The following RAD51C variants were observed in gnomAD, a reference collection of about 807,000 sequenced individuals.
The protein encoded by RAD51C is RAD51 paralog C, also known as DNA repair protein RAD51 homolog 3.
A neutral mutation model predicts 45.0 loss-of-function variants in RAD51C; 42 were observed. The ratio of observed to expected loss-of-function variants is 0.93; its 90% CI spans 0.73 to 1.21. The LOEUF (loss-of-function observed/expected upper bound fraction) is 1.21. Ranked by LOEUF, RAD51C falls within the 50% of genes most tolerant of loss-of-function variation. The probability of loss-of-function intolerance (pLI) is 0.00; values close to 1 mark genes in which losing one functional copy is unlikely to be tolerated. For synonymous variants in RAD51C, 172 were observed against 159.8 expected, an observed-to-expected ratio of 1.08 and a Z score of -0.58; for missense variants, 474 against 452.2, an observed-to-expected ratio of 1.05 and a Z score of -0.44.
intron 1 of RAD51C, chr17:58,693,352 G>C (rs1338366601): frequency 6.1e-6 from 1 of 162,738 alleles, no homozygotes; most frequent in Admixed American, 5.7e-5. Context: ...ATATTCCAGA[G>C]CATTGCAGAT....
At position 58,732,304 on chromosome 17, in the gene RAD51C, A is replaced by G. The variant is rs1050032819; in HGVS notation, c.966-180A>G. The G allele has an allele frequency of 8.3e-5, 47 of 563,636 alleles. No homozygotes were observed. In the Admixed American group the frequency reaches 1.1e-3, roughly 13 times the overall value. The allele number at this position is 563,636 out of a possible 1,614,324, so 34.9% of individuals were successfully genotyped here. On this transcript the variant is annotated intron_variant, in intron 7 of 8. Transcript: ENST00000337432. The stretch of plus-strand genomic sequence containing the variant: ...TAAAATTTCATATAAACTCTGTTAT[A>G]TACATACGGGTAATTTGAAGGGTGT...
At chr17:58,693,736 G>T (rs1389884414) in intron 1 of RAD51C, 3 of 151,918 alleles carry the variant, frequency 2.0e-5, no homozygotes, top group African/African-American at 7.3e-5. Context: ...TACATGTATC[G>T]TCTCATTCCC....
intron 3 of RAD51C, 93 bp from the exon 4 acceptor site, chr17:58,703,103 G>T: frequency 7.2e-7 from 1 of 1,393,154 alleles, no homozygotes. Context: ...GTTATCCAAA[G>T]GAGAACATTT....
intron 4 of RAD51C, among the ~76,000 whole-genome samples, chr17:58,705,128 C>T (rs996237623): frequency 6.6e-5 from 10 of 151,414 alleles, no homozygotes; most frequent in African/African-American, 2.2e-4. Flanking sequence ...GACTCTGTCT[C>T]AAAATTAATA....
chr17:58,712,954 C>G (rs550280589), intron 5 of RAD51C, among the ~76,000 whole-genome samples: 1 of 152,222 alleles, frequency 6.6e-6, no homozygotes, highest in Admixed American at 6.5e-5. Flanking sequence ...GAGACTTCAT[C>G]GCTACAAATT....
chr17:58,721,289 C>T (rs369651019), intron 6 of RAD51C, among the ~76,000 whole-genome samples: 4 of 151,724 alleles, frequency 2.6e-5, no homozygotes, highest in African/African-American at 9.7e-5. Flanking sequence ...CAAAAAATTG[C>T]GTATCTACTG....
At chr17:58,733,783 A>G (rs1377356675) in intron 8 of RAD51C, among the ~76,000 whole-genome samples, 1 of 152,188 alleles carries the variant, frequency 6.6e-6, no homozygotes, top group Non-Finnish European at 1.5e-5. Flanking sequence ...CAGTGGCACA[A>G]TCTTGTCTCA....
Position 58,709,092 on chromosome 17 carries a change from CTTTTTT to C in RAD51C, c.706-752_706-747del, listed in dbSNP as rs34570887. ...ATTATTCCTTTTTCTTTTTGAATTACTTTTTTTTTTTTTTTTTTTTGAGACAAAGTC... is the reference window on the plus strand; with the variant it reads ...ATTATTCCTTTTTCTTTTTGAATTACTTTTTTTTTTTTTTGAGACAAAGTC... On this transcript the variant is annotated intron_variant, in intron 4 of 8. Transcript: ENST00000337432. Among the ~76,000 whole-genome samples the C allele has an allele frequency of 1.8e-4, 21 of 117,010 alleles. No homozygotes were observed. In the East Asian group the frequency reaches 3.8e-3, roughly 21 times the overall value. The allele number at this position is 117,010 out of a possible 152,430, so 76.8% of individuals were successfully genotyped here. A position where few individuals can be genotyped will look rare whatever the true frequency, so the allele number is the denominator to read the frequency against.
Position 58,694,996 on chromosome 17 carries a change from A to G in RAD51C, c.211A>G (p.Asn71Asp). ...LQIIRRECLT[N>D]KPRYAGTSES... ...AATTATCAGAAGAGAATGTCTCACAAATAAACCAAGATATGCTGGTACATC... is the reference window on the plus strand; with the variant it reads ...AATTATCAGAAGAGAATGTCTCACAGATAAACCAAGATATGCTGGTACATC... The change falls in exon 2 of 9, where the codon AAT becomes GAT. Residue 71 changes from asparagine (N) to aspartate (D), a missense_variant. By Grantham distance (23) the Asn-to-Asp change is conservative. Coordinates refer to ENST00000337432, the MANE Select transcript of RAD51C (RefSeq NM_058216.3). The G allele has an allele frequency of 6.2e-7, 1 of 1,614,168 alleles. No homozygotes were observed. The highest frequency in any genetic ancestry group is 1.1e-5 in the South Asian group (1 of 91,082).
At chr17:58,710,580 T>C (rs1187535882) in intron 5 of RAD51C, among the ~76,000 whole-genome samples, 1 of 152,092 alleles carries the variant, frequency 6.6e-6, no homozygotes, top group African/African-American at 2.4e-5. Flanking sequence ...TTAAATATAC[T>C]TTGGATGTTT....
chr17:58,720,627 C>T, intron 5 of RAD51C, 119 bp from the exon 6 acceptor site: 2 of 730,588 alleles, frequency 2.7e-6, no homozygotes, highest in Non-Finnish European at 2.4e-6. Context: ...TGCATGCCAC[C>T]ATGTCTGGTT....
At chr17:58,696,522 T>G (rs547387444) in intron 2 of RAD51C, among the ~76,000 whole-genome samples, 171 bp from the exon 3 acceptor site, 1 of 152,364 alleles carries the variant, frequency 6.6e-6, no homozygotes, top group South Asian at 2.1e-4. Context: ...TATAGTCGAT[T>G]GGTTCACATT....
At chr17:58,709,166 C>T (rs1202323379) in intron 4 of RAD51C, among the ~76,000 whole-genome samples, 3 of 150,620 alleles carry the variant, frequency 2.0e-5, no homozygotes, top group Non-Finnish European at 4.4e-5. Flanking sequence ...GCAACCTCTG[C>T]CACCAGGGTT....
intron 5 of RAD51C, among the ~76,000 whole-genome samples, chr17:58,715,031 G>C (rs1039615739): frequency 2.0e-5 from 3 of 150,648 alleles, no homozygotes; most frequent in Non-Finnish European, 4.4e-5. Flanking sequence ...TCAGTGTCAC[G>C]TTTCAAATCT....
chr17:58,709,111 T>G (rs1323893733), intron 4 of RAD51C, among the ~76,000 whole-genome samples: 1 of 149,152 alleles, frequency 6.7e-6, no homozygotes, highest in Non-Finnish European at 1.5e-5. Context: ...TTTTTTTTTT[T>G]TGAGACAAAG....
chr17:58,692,591 CCA>C, upstream of RAD51C: 2 of 1,610,328 alleles, frequency 1.2e-6, no homozygotes, highest in Non-Finnish European at 8.5e-7. Flanking sequence ...GCCGCACGCC[CCA>C]GCGAGGGCGT....
At position 58,694,985 on chromosome 17, in the gene RAD51C, A is replaced by G. The variant is rs375451955; in HGVS notation, c.200A>G (p.Glu67Gly). Reference sequence around the variant, plus strand: ...GAAACTCTGCAAATTATCAGAAGAGAATGTCTCACAAATAAACCAAGATAT... The same window carrying G: ...GAAACTCTGCAAATTATCAGAAGAGGATGTCTCACAAATAAACCAAGATAT... ...ALETLQIIRR[E>G]CLTNKPRYAG... Residue 67 changes from glutamate (E) to glycine (G), a missense_variant, in exon 2 of 9, where the codon GAA (glutamate) becomes GGA (glycine). Coordinates refer to ENST00000337432, the MANE Select transcript of RAD51C (RefSeq NM_058216.3). The G allele has an allele frequency of 2.6e-5, 42 of 1,614,144 alleles. No homozygotes were observed. In the African/African-American group the frequency reaches 5.2e-4, roughly 20 times the overall value.
chr17:58,692,663 G>A lies in RAD51C; in HGVS notation c.20G>A (p.Arg7His), dbSNP rs892567748. MRGKTF[R>H]FEMQRDLVSF... The stretch of plus-strand genomic sequence containing the variant: ...CCTGCGATGCGCGGGAAGACGTTCC[G>A]CTTTGAAATGCAGCGGGATTTGGTG... The change falls in exon 1 of 9, where the codon CGC (arginine) becomes CAC (histidine). Residue 7 changes from arginine to histidine, a missense_variant. Arg to His is a conservative substitution (Grantham distance 29). Coordinates refer to ENST00000337432, the MANE Select transcript of RAD51C (RefSeq NM_058216.3). The A allele has an allele frequency of 1.2e-6, 2 of 1,614,080 alleles. No homozygotes were observed. Among genetic ancestry groups the A allele is most frequent in the African/African-American group, 1.3e-5 (1 of 74,938 alleles).
chr17:58,701,322 C>T (rs1434491970), intron 3 of RAD51C, among the ~76,000 whole-genome samples: 6 of 151,762 alleles, frequency 4.0e-5, no homozygotes, highest in African/African-American at 1.4e-4. Flanking sequence ...TCCTTGCTAA[C>T]ATGGTGAAAC....
Sources: allele counts gnomAD v4.1 joint callset (sites outside exome capture counted in the v4.1 genomes callset), GRCh38; gene constraint gnomAD v4.1.1; transcripts MANE v1.5; gene names NCBI Gene and HGNC (gene_info 2026-07-23, HGNC 2026-07-21).